Variants in SUMF1 observed in about 807,000 individuals in gnomAD.
The protein encoded by SUMF1 is sulfatase modifying factor 1.
A neutral mutation model predicts 47.6 loss-of-function variants in SUMF1; 48 were observed. That is an observed-to-expected ratio of 1.01 (90% CI 0.80 to 1.28). SUMF1 has a LOEUF of 1.28. Ranked by LOEUF, SUMF1 falls within the 50% of genes most tolerant of loss-of-function variation. SUMF1 has a pLI of 0.00. For synonymous variants in SUMF1, 230 were observed against 192.1 expected, an observed-to-expected ratio of 1.20 and a Z score of -1.63; for missense variants, 571 against 485.4, an observed-to-expected ratio of 1.18 and a Z score of -1.66.
chr3:4,365,815 T>C (rs1431349658), intron 8 of SUMF1, among the ~76,000 whole-genome samples: 8 of 152,164 alleles, frequency 5.3e-5, no homozygotes, highest in African/African-American at 9.6e-5. Flanking sequence ...CTAGTCTCGA[T>C]GGTCTTTACA....
intron 8 of SUMF1, among the ~76,000 whole-genome samples, chr3:4,172,107 CA>C (rs2125124497): frequency 6.6e-6 from 1 of 152,154 alleles, no homozygotes; most frequent in Non-Finnish European, 1.5e-5. Flanking sequence ...GTAGCCAATG[CA>C]AGTAGGGGGA....
chr3:4,410,756 T>C (rs1701512935), intron 7 of SUMF1, 109 bp downstream of exon 7: 3 of 968,116 alleles, frequency 3.1e-6, no homozygotes, highest in Non-Finnish European at 5.0e-6. Context: ...CCAAGATTAA[T>C]TTCCAGAGTA....
At chr3:4,376,295 CA>C (rs767218922) in intron 8 of SUMF1, 34 bp downstream of exon 8, 3 of 1,613,134 alleles carry the variant, frequency 1.9e-6, no homozygotes, top group Non-Finnish European at 2.5e-6. Context: ...GCTATCAGAA[CA>C]AGAACGGCAA....
At position 4,213,819 on chromosome 3, in the gene SUMF1, T is replaced by C. The variant is rs146932537; in HGVS notation, c.1015-145074A>G. Among the ~76,000 whole-genome samples, 1,475 of 152,254 alleles carry C rather than the reference T, an allele frequency of 9.7e-3. 22 individuals carry two copies. The highest frequency in any genetic ancestry group is 0.032 in the African/African-American group (1,348 of 41,550). On this transcript the variant is annotated intron_variant and NMD_transcript_variant, in intron 8 of 12. Coordinates refer to the SUMF1 transcript ENST00000448413. ...AGATCAAAAGAGACAAAGAAGGCCATTACATAATGGTAAAAGGATCAATGC... is the reference window on the plus strand; with the variant it reads ...AGATCAAAAGAGACAAAGAAGGCCACTACATAATGGTAAAAGGATCAATGC...
chr3:4,128,976 C>T (rs1446369340), intron 8 of SUMF1, among the ~76,000 whole-genome samples: 1 of 152,042 alleles, frequency 6.6e-6, no homozygotes, highest in African/African-American at 2.4e-5. Context: ...GCCTGATCTC[C>T]CTTGGTTTAA....
Position 4,398,356 on chromosome 3 carries a change from G to A in SUMF1, c.954+12509C>T, listed in dbSNP as rs115799433. ...CCCTTACATAAAACTTCTACGTGTG[G>A]ATATGCATATTCCTATATTAAAAAG... is the stretch of plus-strand genomic sequence containing the variant. On this transcript the variant is annotated intron_variant, in intron 7 of 8. Transcript: ENST00000272902. Among the ~76,000 whole-genome samples the A allele has an allele frequency of 7.4e-3, 1,128 of 152,066 alleles. 3 individuals are homozygous for A. Among genetic ancestry groups the A allele is most frequent in the Admixed American group, 0.011 (169 of 15,278 alleles).
chr3:4,138,823 T>C (rs576862925), intron 8 of SUMF1, among the ~76,000 whole-genome samples: 19 of 152,218 alleles, frequency 1.2e-4, no homozygotes, highest in Non-Finnish European at 2.4e-4. Context: ...TAAGTCATTC[T>C]AGTGAATTAC....
At chr3:4,387,087 G>T (rs1335180881) in intron 7 of SUMF1, among the ~76,000 whole-genome samples, 5 of 151,824 alleles carry the variant, frequency 3.3e-5, no homozygotes, top group Non-Finnish European at 7.4e-5. Flanking sequence ...TTGGTTTGGG[G>T]ATCAAGGCAA....
intron 8 of SUMF1, among the ~76,000 whole-genome samples, chr3:4,335,983 G>GA (rs1699145866): frequency 1.5e-5 from 1 of 68,566 alleles, no homozygotes; most frequent in African/African-American, 6.5e-5. Context: ...AAAAAAAACA[G>GA]AAAAAACCCC....
At position 4,232,254 on chromosome 3, in the gene SUMF1, A is replaced by G. The variant is rs75230048; in HGVS notation, c.1014+144076T>C. Among the ~76,000 whole-genome samples the G allele has an allele frequency of 5.8e-3, 889 of 152,264 alleles. 11 individuals carry two copies. Among genetic ancestry groups the G allele is most frequent in the African/African-American group, 0.02 (845 of 41,568 alleles). On this transcript the variant is annotated intron_variant and NMD_transcript_variant, in intron 8 of 12. Coordinates refer to the SUMF1 transcript ENST00000448413. ...ACCATGCAGCAACCAAGGAACTCCA[A>G]GAGGCCAAGATGAGGGAAAGACAGC...
intron 8 of SUMF1, among the ~76,000 whole-genome samples, chr3:4,190,574 T>G (rs1992597): frequency 0.27 from 40,901 of 151,916 alleles, 5,656 homozygotes; most frequent in South Asian, 0.4. Context: ...AACAATCCCC[T>G]ACATTTGTAG....
chr3:4,154,255 T>C lies in SUMF1; in HGVS notation c.1015-85510A>G, dbSNP rs1253280769. Among the ~76,000 whole-genome samples, 3 of 151,492 alleles carry C rather than the reference T, an allele frequency of 2.0e-5. 1 individual carries two copies. Among genetic ancestry groups the C allele is most frequent in the African/African-American group, 7.4e-5 (3 of 40,782 alleles). ...GGTGGATTCTGGGTCTGAATTACAG[T>C]GTTTTTATTCTCCTTCACAACCATC... On this transcript the variant is annotated intron_variant and NMD_transcript_variant, in intron 8 of 12. Coordinates refer to the SUMF1 transcript ENST00000448413.
intron 8 of SUMF1, among the ~76,000 whole-genome samples, chr3:4,166,663 C>A (rs1694713349): frequency 6.6e-6 from 1 of 152,090 alleles, no homozygotes; most frequent in Admixed American, 6.5e-5. Context: ...CATTAGGACC[C>A]AGGAGGCAAG....
At chr3:4,089,565 G>A (rs1367157426) in intron 8 of SUMF1, among the ~76,000 whole-genome samples, 1 of 151,962 alleles carries the variant, frequency 6.6e-6, no homozygotes, top group Non-Finnish European at 1.5e-5. Flanking sequence ...CATATACCTG[G>A]AACTCCAGGG....
intron 3 of SUMF1, among the ~76,000 whole-genome samples, chr3:4,423,878 T>C (rs1449601566): frequency 1.3e-5 from 2 of 152,102 alleles, no homozygotes; most frequent in Non-Finnish European, 2.9e-5. Flanking sequence ...ACTCTCTTGC[T>C]CCTGCTTTCA....
intron 8 of SUMF1, among the ~76,000 whole-genome samples, chr3:4,074,957 G>A (rs1006746520): frequency 6.6e-6 from 1 of 151,900 alleles, no homozygotes; most frequent in African/African-American, 2.4e-5. Flanking sequence ...CTATTCCAAT[G>A]AATAGAAAAA....
At chr3:4,396,937 C>T (rs925041476) in intron 7 of SUMF1, among the ~76,000 whole-genome samples, 2 of 152,156 alleles carry the variant, frequency 1.3e-5, no homozygotes, top group African/African-American at 2.4e-5. Flanking sequence ...AACCAGTCAA[C>T]CTAAACACAG....
In SUMF1 at chr3:4,427,171, T is replaced by G. The variant is rs184049338; in HGVS notation, c.520-7025A>C. Among the ~76,000 whole-genome samples the G allele has an allele frequency of 1.6e-3, 249 of 152,352 alleles. 1 individual carries two copies. Among genetic ancestry groups the G allele is most frequent in the Non-Finnish European group, 1.8e-3 (122 of 68,032 alleles). ...GGAAAAAGAAAGCTCTGTATAATTATGCATACTCAAGTGTAAAGATGTCAA... is the reference window on the plus strand; with the variant it reads ...GGAAAAAGAAAGCTCTGTATAATTAGGCATACTCAAGTGTAAAGATGTCAA... On this transcript the variant is annotated intron_variant, in intron 3 of 8. Transcript: ENST00000272902.
intron 9 of SUMF1, among the ~76,000 whole-genome samples, chr3:4,060,481 G>A (rs1695259737): frequency 6.6e-6 from 1 of 152,114 alleles, no homozygotes; most frequent in African/African-American, 2.4e-5. Flanking sequence ...TTGAAATTCA[G>A]AATTTTTTGG....
Sources: gnomAD v4.1 joint callset for allele counts (sites outside exome capture counted in the v4.1 genomes callset) on GRCh38, gnomAD v4.1.1 for gene constraint, MANE v1.5 for transcripts, NCBI Gene and HGNC (gene_info 2026-07-23, HGNC 2026-07-21) for gene names.